Variants in CAPG observed in about 807,000 individuals in gnomAD.
The protein encoded by CAPG is capping actin protein, gelsolin like.
CAPG carries 32 observed loss-of-function variants against 44.6 expected under a neutral mutation model. The ratio of observed to expected loss-of-function variants is 0.72; its 90% CI spans 0.54 to 0.96. The LOEUF (loss-of-function observed/expected upper bound fraction) is 0.96. Among genes scored for constraint, CAPG ranks in the 50% least tolerant of loss-of-function variants. The pLI is 0.00. For synonymous variants in CAPG, 175 were observed against 179.6 expected (o/e 0.97, Z 0.20); for missense variants, 412 against 438.3 (o/e 0.94, Z 0.54).
chr2:85,408,211 G>A (rs1030070875), intron 1 of CAPG, among the ~76,000 whole-genome samples: 1 of 152,066 alleles, frequency 6.6e-6, no homozygotes. Context: ...GCATGGTGGT[G>A]CGTGCCTGTA....
downstream of CAPG, among the ~76,000 whole-genome samples, chr2:85,392,367 G>A (rs973116528): frequency 1.3e-5 from 2 of 149,022 alleles, no homozygotes; most frequent in Admixed American, 6.8e-5. Context: ...TCCGGCCTGG[G>A]CAGCAGAGCG....
At chr2:85,404,607 G>T (rs1382681766) in intron 1 of CAPG, among the ~76,000 whole-genome samples, 2 of 152,178 alleles carry the variant, frequency 1.3e-5, no homozygotes, top group African/African-American at 4.8e-5. Flanking sequence ...AATTAGCTGG[G>T]CATGGTGGCA....
chr2:85,413,378 G>A (rs913567174), upstream of CAPG: 4 of 152,198 alleles, frequency 2.6e-5, no homozygotes, highest in Admixed American at 6.5e-5. Context: ...TCAGAAGTTC[G>A]AGACCAGCCT....
upstream of CAPG, chr2:85,413,267 G>A (rs1558740023): frequency 1.3e-5 from 2 of 152,224 alleles, no homozygotes. Flanking sequence ...GAAAAAAGGG[G>A]AGAGGTTTAC....
At chr2:85,413,517 T>C (rs1687477248), upstream of CAPG, among the ~76,000 whole-genome samples, 1 of 151,748 alleles carries the variant, frequency 6.6e-6, no homozygotes, top group Non-Finnish European at 1.5e-5. Flanking sequence ...GAGGCGGAGG[T>C]TGCGGTGAGC....
At chr2:85,413,576 G>T (rs1257375204), upstream of CAPG, among the ~76,000 whole-genome samples, 2 of 151,996 alleles carry the variant, frequency 1.3e-5, no homozygotes, top group Non-Finnish European at 2.9e-5. Context: ...ACAAAACTCC[G>T]TCTCAAAAAA....
intron 2 of CAPG, 35 bp downstream of exon 2, chr2:85,402,088 G>C (rs759983616): frequency 2.2e-5 from 35 of 1,611,144 alleles, no homozygotes; most frequent in Non-Finnish European, 2.9e-5. Context: ...GTAAAGAAGG[G>C]GAAGTTGTGA....
At chr2:85,398,300 G>C in intron 7 of CAPG, 148 bp from the exon 8 acceptor site, 1 of 917,020 alleles carries the variant, frequency 1.1e-6, no homozygotes, top group Non-Finnish European at 1.6e-6. Context: ...AGAGAGTGAA[G>C]ACCTGAAAAG....
chr2:85,398,170 T>A lies in CAPG; in HGVS notation c.760-18A>T, dbSNP rs560952062. 23 of 1,610,720 alleles carry A rather than the reference T, an allele frequency of 1.4e-5. No individual in the cohort carries two copies. Among genetic ancestry groups the A allele is most frequent in the Admixed American group, 3.3e-5 (2 of 59,888 alleles). ...TCAGAGACCTGGGGAGGAGGGACAG[T>A]GCCTGATCTCACCCCCCACACACCA... On this transcript the variant is annotated intron_variant, in intron 7 of 9. Coordinates refer to ENST00000263867, the MANE Select transcript of CAPG (RefSeq NM_001747.4).
At chr2:85,419,028 G>T (rs1687652550), upstream of CAPG, 1 of 152,434 alleles carries the variant, frequency 6.6e-6, no homozygotes, top group African/African-American at 2.4e-5. Context: ...CCATCGCCTA[G>T]AGCAAACTCC....
rs752859190 is a variant in CAPG, at chr2:85,410,325, C to T, written c.-22G>A. 2 of 152,606 alleles carry T rather than the reference C, an allele frequency of 1.3e-5. No homozygotes were observed. Among genetic ancestry groups the T allele is most frequent in the Non-Finnish European group, 2.9e-5 (2 of 68,292 alleles). The allele number at this position is 152,606 out of a possible 1,614,324, so 9.5% of individuals were successfully genotyped here. ...TCCTTTCTTCCTCCTACCTCTGCTT[C>T]GTAGGTTCGTCTTCCTTCCAGCCTG... On this transcript the variant is annotated 5_prime_UTR_variant, in exon 1 of 10. Transcript: ENST00000263867.
Position 85,401,268 on chromosome 2 carries a change from T to G in CAPG, c.413A>C (p.Lys138Thr). 6.2e-7 allele frequency: 1 copy of G among 1,614,110 alleles called. No homozygotes were observed. Among genetic ancestry groups the G allele is most frequent in the Non-Finnish European group, 8.5e-7 (1 of 1,179,992 alleles). The stretch of plus-strand genomic sequence containing the variant: ...CTTCTTCCCCTTCACCTGGTAGAGT[T>G]TCTTGATGGCAGCTGGGGCTCCTGT... ...TSTGAPAAIK[K>T]LYQVKGKKNI... Residue 138 changes from lysine to threonine, a missense_variant, in exon 5 of 10, where the codon AAA becomes ACA. By Grantham distance (78) the Lys-to-Thr change is moderately conservative (BLOSUM62 -1). Coordinates refer to ENST00000263867, the MANE Select transcript of CAPG (RefSeq NM_001747.4).
At chr2:85,416,381 C>G (rs1252748378) in intron 1 of CAPG, among the ~76,000 whole-genome samples, 1 of 151,992 alleles carries the variant, frequency 6.6e-6, no homozygotes, top group Non-Finnish European at 1.5e-5. Flanking sequence ...CTCGAAGGGT[C>G]CCTTCTGGCT....
rs781621349 is a variant in CAPG at position 85,398,191 on chromosome 2, C to T, written c.760-39G>A. ...ACAGTGCCTGATCTCACCCCCCACACACCAGCCCTCACCTCAGCCTGAGGA... is the reference window on the plus strand; with the variant it reads ...ACAGTGCCTGATCTCACCCCCCACATACCAGCCCTCACCTCAGCCTGAGGA... On this transcript the variant is annotated intron_variant, in intron 7 of 9. Coordinates refer to ENST00000263867, the MANE Select transcript of CAPG (RefSeq NM_001747.4). 4.4e-6 allele frequency: 7 copies of T among 1,600,150 alleles called. No individual in the cohort carries two copies. In the South Asian group the frequency reaches 5.6e-5, roughly 13 times the overall value.
At chr2:85,397,100 C>T (rs1686634469) in intron 8 of CAPG, among the ~76,000 whole-genome samples, 1 of 152,192 alleles carries the variant, frequency 6.6e-6, no homozygotes, top group Non-Finnish European at 1.5e-5. Flanking sequence ...GTTCACCACT[C>T]ACTGCATAAA....
rs1382336907 is a variant in CAPG, at chr2:85,395,607, C to T, written c.912G>A (p.Lys304=). ...CCACCTGCAGGGCTGCCTGCCGCTCCTTCTCATTCGCTTTTCGCCCTAGAT... is the reference window on the plus strand; with the variant it reads ...CCACCTGCAGGGCTGCCTGCCGCTCTTTCTCATTCGCTTTTCGCCCTAGAT... The part of the protein sequence containing the change: ...YIWKGRKANE[K]ERQAALQVAE... Residue 304 remains lysine, a synonymous_variant, in exon 9 of 10, where the codon AAG becomes AAA. Coordinates refer to ENST00000263867, the MANE Select transcript of CAPG (RefSeq NM_001747.4). This position sits in a 1 kb window ranked among gnomAD's most constrained non-coding sequence, Gnocchi z 4.3. 1.9e-6 allele frequency: 3 copies of T among 1,613,884 alleles called. No homozygotes were observed. Among genetic ancestry groups the T allele is most frequent in the Non-Finnish European group, 2.5e-6 (3 of 1,179,886 alleles).
chr2:85,411,433 G>C (rs1430639873), upstream of CAPG, among the ~76,000 whole-genome samples: 1 of 152,214 alleles, frequency 6.6e-6, no homozygotes, highest in Non-Finnish European at 1.5e-5. Context: ...GAGCACAAGA[G>C]ACTGCCCACA....
chr2:85,401,100 C>T (rs2104806288), intron 5 of CAPG, 65 bp downstream of exon 5: 1 of 1,491,868 alleles, frequency 6.7e-7, no homozygotes, highest in East Asian at 2.3e-5. Flanking sequence ...TCCTGGCCTC[C>T]TGCCCCTCCG....
At chr2:85,403,886 C>CAAAAAAAAAAAAAAAAAAAAAAAAAAA (rs36054381) in intron 1 of CAPG, among the ~76,000 whole-genome samples, 1 of 69,790 alleles carries the variant, frequency 1.4e-5, no homozygotes, top group Non-Finnish European at 2.7e-5. Flanking sequence ...GACTCCATCT[C>CAAAAAAAAAAAAAAAAAAAAAAAAAAA]AAAAAAAAAA....
Sources: gnomAD v4.1 joint callset for allele counts (sites outside exome capture counted in the v4.1 genomes callset) on GRCh38, gnomAD v4.1.1 for gene constraint, Gnocchi (gnomAD v3.1) non-coding constraint, MANE v1.5 for transcripts, NCBI Gene and HGNC (gene_info 2026-07-23, HGNC 2026-07-21) for gene names.